The following MESD variants were observed in gnomAD, a reference collection of about 807,000 sequenced individuals.
MESD encodes the protein mesoderm development LRP chaperone.
A neutral mutation model predicts 12.9 loss-of-function variants in MESD; 7 were observed. The ratio of observed to expected loss-of-function variants is 0.54; its 90% CI spans 0.31 to 1.02. The LOEUF is 1.02. Among genes scored for constraint, MESD ranks in the 50% least tolerant of loss-of-function variants. MESD has a pLI of 0.05. For missense variants in MESD, 342 were observed against 296.7 expected, an observed-to-expected ratio of 1.15 and a Z score of -1.12; for synonymous variants, 126 against 115.6, an observed-to-expected ratio of 1.09 and a Z score of -0.58.
exon 5 of MESD, chr15:80,948,747 G>A (rs1245606902): frequency 2.5e-6 from 4 of 1,612,842 alleles, no homozygotes; most frequent in Admixed American, 3.3e-5. Flanking sequence ...GGGTGGGGCA[G>A]CCGTCCTCTC....
At chr15:80,948,717 C>A in exon 5 of MESD, 2 of 1,591,984 alleles carry the variant, frequency 1.3e-6, no homozygotes, top group Middle Eastern at 1.7e-4. Context: ...GGGGGGCTGG[C>A]GATGGGGAGC....
At chr15:80,955,778 G>A (rs543892732) in intron 3 of MESD, among the ~76,000 whole-genome samples, 4 of 151,304 alleles carry the variant, frequency 2.6e-5, no homozygotes, top group Non-Finnish European at 2.9e-5. Context: ...GAGCCACCAC[G>A]CCTGGCTAAT....
At chr15:80,984,576 T>C (rs939305185) in intron 1 of MESD, among the ~76,000 whole-genome samples, 3 of 152,208 alleles carry the variant, frequency 2.0e-5, no homozygotes, top group Admixed American at 6.5e-5. Flanking sequence ...AGATAAGCGA[T>C]TGCCCGGGGC....
Position 80,979,018 on chromosome 15 carries a change from A to G in MESD, c.*201T>C, listed in dbSNP as rs1902497981. Reference sequence around the variant, plus strand: ...ATGAATTTGTCAGTGTCCAGTATTAATTAGAAAACATCTGTCTTCTTACTT... The same window carrying G: ...ATGAATTTGTCAGTGTCCAGTATTAGTTAGAAAACATCTGTCTTCTTACTT... On this transcript the variant is annotated 3_prime_UTR_variant, in exon 3 of 3. Coordinates refer to ENST00000261758, the MANE Select transcript of MESD (RefSeq NM_015154.3). 1.4e-5 allele frequency: 9 copies of G among 641,484 alleles called. No individual in the cohort carries two copies. The highest frequency in any genetic ancestry group is 1.6e-5 in the Non-Finnish European group (6 of 380,642). The allele number at this position is 641,484 out of a possible 1,614,324, so 39.7% of individuals were successfully genotyped here.
chr15:80,949,762 G>A (rs1596218869), intron 4 of MESD: 1 of 152,400 alleles, frequency 6.6e-6, no homozygotes, highest in Admixed American at 6.5e-5. Flanking sequence ...AAATCACAGA[G>A]AGGTAAAATG....
chr15:80,971,739 G>T (rs182888440), downstream of MESD, among the ~76,000 whole-genome samples: 1 of 151,036 alleles, frequency 6.6e-6, no homozygotes. Flanking sequence ...AGATCCTCCC[G>T]CCTCAACCTC....
At chr15:80,988,148 T>C (rs78137488) in intron 1 of MESD, among the ~76,000 whole-genome samples, 25,958 of 152,182 alleles carry the variant, frequency 0.17, 2,355 homozygotes, top group African/African-American at 0.25. Context: ...GAACTGGCTC[T>C]AAAAGTCGCG....
At position 80,979,173 on chromosome 15, in the gene MESD, C is replaced by A; in HGVS notation, c.*46G>T. The A allele has an allele frequency of 6.3e-7, 1 of 1,578,744 alleles. No homozygotes were observed. Among genetic ancestry groups the A allele is most frequent in the Non-Finnish European group, 8.6e-7 (1 of 1,162,786 alleles). On this transcript the variant is annotated 3_prime_UTR_variant, in exon 3 of 3. Transcript: ENST00000261758. ...CCCACCCCAGGAGCTGGGCAAAGAGCTCTCCACGTCCACCTGTCCCCCCAC... is the reference window on the plus strand; with the variant it reads ...CCCACCCCAGGAGCTGGGCAAAGAGATCTCCACGTCCACCTGTCCCCCCAC...
intron 1 of MESD, among the ~76,000 whole-genome samples, chr15:80,983,948 T>G (rs1403429845): frequency 7.3e-6 from 1 of 136,912 alleles, no homozygotes; most frequent in Admixed American, 8.3e-5. Context: ...GTCACCAGGC[T>G]GGAGTGCAGT....
At chr15:80,956,715 A>G (rs1901991631) in intron 3 of MESD, among the ~76,000 whole-genome samples, 1 of 152,240 alleles carries the variant, frequency 6.6e-6, no homozygotes, top group Non-Finnish European at 1.5e-5. Context: ...TTTACAAAGG[A>G]AAGTTGGGTT....
intron 1 of MESD, among the ~76,000 whole-genome samples, chr15:80,988,618 G>C (rs1026989912): frequency 6.6e-6 from 1 of 152,284 alleles, no homozygotes; most frequent in Middle Eastern, 3.4e-3. Context: ...CTAGTCAGAT[G>C]CATCAGGTGG....
intron 3 of MESD, among the ~76,000 whole-genome samples, chr15:80,958,340 A>G (rs1902025377): frequency 6.6e-6 from 1 of 152,020 alleles, no homozygotes; most frequent in Non-Finnish European, 1.5e-5. Flanking sequence ...CAATTAATTA[A>G]TTAATTTAGA....
At chr15:80,967,228 G>A (rs1159116221) in intron 3 of MESD, among the ~76,000 whole-genome samples, 1 of 151,714 alleles carries the variant, frequency 6.6e-6, no homozygotes, top group Non-Finnish European at 1.5e-5. Context: ...GGAGGTGGAG[G>A]TTGTGGTGAA....
chr15:80,981,254 G>A (rs1461682912), intron 2 of MESD, among the ~76,000 whole-genome samples: 2 of 151,420 alleles, frequency 1.3e-5, no homozygotes, highest in Non-Finnish European at 2.9e-5. Flanking sequence ...TGGCTAACAC[G>A]GTGAAACCCC....
chr15:80,972,076 G>A (rs977226951), downstream of MESD, among the ~76,000 whole-genome samples: 2 of 152,086 alleles, frequency 1.3e-5, no homozygotes, highest in African/African-American at 4.8e-5. Context: ...AGAGAGCACA[G>A]ATACAGGCCC....
chr15:80,948,971 C>T (rs199799466), intron 4 of MESD: 49 of 1,612,638 alleles, frequency 3.0e-5, no homozygotes, highest in Non-Finnish European at 3.9e-5. Context: ...ATGACGGTGA[C>T]TCTTGGCAGC....
At chr15:80,986,690 G>A (rs529431819) in intron 1 of MESD, among the ~76,000 whole-genome samples, 40 of 152,124 alleles carry the variant, frequency 2.6e-4, no homozygotes, top group Non-Finnish European at 5.1e-4. Flanking sequence ...GGGGGGCCAG[G>A]GACAAGTCAG....
downstream of MESD, among the ~76,000 whole-genome samples, chr15:80,974,686 G>A (rs764006129): frequency 3.2e-4 from 47 of 148,974 alleles, no homozygotes; most frequent in Non-Finnish European, 1.0e-4. Context: ...GGAGGGGGGA[G>A]CTGAATCTGC....
Position 80,979,242 on chromosome 15 carries a change from C to A in MESD, c.682G>T (p.Gly228Trp). 1.9e-6 allele frequency: 3 copies of A among 1,613,730 alleles called. No homozygotes were observed. Among genetic ancestry groups the A allele is most frequent in the Non-Finnish European group, 2.5e-6 (3 of 1,179,950 alleles). Residue 228 changes from glycine (G) to tryptophan (W), a missense_variant, in exon 3 of 3, where the codon GGG (glycine) becomes TGG (tryptophan). By Grantham distance (184) the Gly-to-Trp change is radical. Coordinates refer to ENST00000261758, the MANE Select transcript of MESD (RefSeq NM_015154.3). The part of the protein sequence containing the change: ...SRSSKEENRA[G>W]NKREDL The stretch of plus-strand genomic sequence containing the variant: ...CATCACAGGTCTTCTCTTTTATTCC[C>A]AGCTCGATTTTCTTCCTTGGAAGAC...
Sources: allele counts gnomAD v4.1 joint callset (sites outside exome capture counted in the v4.1 genomes callset), GRCh38; gene constraint gnomAD v4.1.1; transcripts MANE v1.5; gene names NCBI Gene and HGNC (gene_info 2026-07-23, HGNC 2026-07-21).